The following IDH1 variants were observed in gnomAD, a reference collection of about 807,000 sequenced individuals.
The protein encoded by IDH1 is isocitrate dehydrogenase (NADP(+)) 1.
A neutral mutation model predicts 46.1 loss-of-function variants in IDH1; 33 were observed. The observed-to-expected ratio is 0.72, with a 90% CI of 0.54 to 0.96. The LOEUF (loss-of-function observed/expected upper bound fraction) is 0.96, where lower values mean the gene tolerates loss of function less well. IDH1 is among the 40% of genes least tolerant of loss of function. The pLI, the probability that IDH1 is intolerant of heterozygous loss-of-function variation, is 0.00. For missense variants in IDH1, 421 were observed against 515.7 expected, an observed-to-expected ratio of 0.82 and a Z score of 1.78; for synonymous variants, 144 against 172.8, an observed-to-expected ratio of 0.83 and a Z score of 1.31.
intron 9 of IDH1, among the ~76,000 whole-genome samples, chr2:208,237,944 A>T (rs1317584951): frequency 6.6e-6 from 1 of 152,020 alleles, no homozygotes; most frequent in Non-Finnish European, 1.5e-5. Flanking sequence ...AAAAAAAGAA[A>T]AACAAAAGAC....
chr2:208,239,248 A>T lies in IDH1; in HGVS notation c.992-15T>A. On this transcript the variant is annotated splice_polypyrimidine_tract_variant and intron_variant, in intron 8 of 9. Coordinates refer to ENST00000345146, the MANE Select transcript of IDH1 (RefSeq NM_005896.4). The stretch of plus-strand genomic sequence containing the variant: ...AAAAATGGAAGCTAAAAGAGGGGAA[A>T]AAAAACACAACACTCCAATCATCCT... The T allele has an allele frequency of 6.2e-7, 1 of 1,613,652 alleles. No homozygotes were observed. Among genetic ancestry groups the T allele is most frequent in the Non-Finnish European group, 8.5e-7 (1 of 1,179,644 alleles).
intron 3 of IDH1, among the ~76,000 whole-genome samples, chr2:208,249,062 G>T (rs1033129237): frequency 4.6e-5 from 7 of 152,172 alleles, no homozygotes; most frequent in Non-Finnish European, 1.0e-4. Flanking sequence ...AAAATAAAAG[G>T]GGGTGGGAGG....
rs1444073727 is a variant in IDH1 at position 208,254,980 on chromosome 2, C to CG, written c.-133_-132insC. The CG allele has an allele frequency of 6.6e-6, 1 of 152,458 alleles. No individual in the cohort carries two copies. The highest frequency in any genetic ancestry group is 1.5e-5 in the Non-Finnish European group (1 of 68,220). The allele number at this position is 152,458 out of a possible 1,614,324, so 9.4% of individuals were successfully genotyped here. On this transcript the variant is annotated 5_prime_UTR_variant, in exon 1 of 10. Coordinates refer to ENST00000345146, the MANE Select transcript of IDH1 (RefSeq NM_005896.4). ...CTGGCGAAGAGTTGGGGCGCCACAGCCGCTCACAAGCTCAGACTCACAACC... is the reference window on the plus strand; with the variant it reads ...CTGGCGAAGAGTTGGGGCGCCACAGCGCGCTCACAAGCTCAGACTCACAACC...
chr2:208,245,780 C>CT (rs753170344), intron 4 of IDH1, among the ~76,000 whole-genome samples: 2 of 22,620 alleles, frequency 8.8e-5, no homozygotes, highest in Non-Finnish European at 1.2e-4. Context: ...GGGTATTAGA[C>CT]CCCCCCCCCA....
intron 2 of IDH1, among the ~76,000 whole-genome samples, chr2:208,253,389 C>A (rs1028207793): frequency 2.6e-5 from 4 of 152,162 alleles, no homozygotes; most frequent in Non-Finnish European, 4.4e-5. Context: ...TCTTCTGGAT[C>A]TGATTTCCAT....
rs201258988 is a variant in IDH1 at position 208,251,493 on chromosome 2, C to A, written c.59G>T (p.Arg20Leu). The change falls in exon 3 of 10, where the codon CGA (arginine) becomes CTA (leucine). Residue 20 changes from arginine (R) to leucine (L), a missense_variant. Coordinates refer to ENST00000345146, the MANE Select transcript of IDH1 (RefSeq NM_005896.4). ...VVEMQGDEMT[R>L]IIWELIKEKL... ...CTCTTTAATCAATTCCCAAATGATTCGTGTCATTTCATCTCCTTGCATCTC... is the reference window on the plus strand; with the variant it reads ...CTCTTTAATCAATTCCCAAATGATTAGTGTCATTTCATCTCCTTGCATCTC... 4 of 1,613,268 alleles carry A rather than the reference C, an allele frequency of 2.5e-6. No homozygotes were observed. In the East Asian group the frequency reaches 8.9e-5, roughly 36 times the overall value.
At position 208,239,076 on chromosome 2, in the gene IDH1, T is replaced by G. The variant is rs141895800; in HGVS notation, c.1149A>C (p.Leu383Phe). ...CTAGGGCATCTTATACTTACTTGGGTAAACCTTTAATGCAAGCAGCCAAGT... is the reference window on the plus strand; with the variant it reads ...CTAGGGCATCTTATACTTACTTGGGGAAACCTTTAATGCAAGCAGCCAAGT... ...TKDLAACIKG[L>F]PNVQRSDYLN... The change falls in exon 9 of 10, where the codon TTA becomes TTC. Residue 383 changes from leucine to phenylalanine, a missense_variant. Transcript: ENST00000345146. 6.8e-6 allele frequency: 11 copies of G among 1,613,728 alleles called. No homozygotes were observed. In the African/African-American group the frequency reaches 1.5e-4, roughly 22 times the overall value.
intron 7 of IDH1, chr2:208,240,242 T>C (rs1314683268): frequency 1.8e-6 from 1 of 548,098 alleles, no homozygotes. Flanking sequence ...TACCTACTCC[T>C]TGATGGAGGG....
rs575483212 is a variant in IDH1 at position 208,248,537 on chromosome 2, C to T, written c.246G>A (p.Arg82=). 1 of 1,614,118 alleles carries T rather than the reference C, an allele frequency of 6.2e-7. No homozygotes were observed. The highest frequency in any genetic ancestry group is 1.3e-5 in the African/African-American group (1 of 75,036). The change falls in exon 4 of 10, where the codon AGG becomes AGA. Residue 82 remains arginine, a synonymous_variant. Transcript: ENST00000345146. ...KCATITPDEK[R]VEEFKLKQMW... The stretch of plus-strand genomic sequence containing the variant: ...TTTGTTTCAACTTGAACTCCTCAAC[C>T]CTCTTCTCATCAGGAGTGATAGTGG...
At chr2:208,242,320 C>T (rs1486518402) in intron 6 of IDH1, among the ~76,000 whole-genome samples, 175 bp from the exon 7 acceptor site, 1 of 152,190 alleles carries the variant, frequency 6.6e-6, no homozygotes, top group Non-Finnish European at 1.5e-5. Context: ...CAATCATTTT[C>T]TAACTGTAAA....
At chr2:208,242,262 A>C in intron 6 of IDH1, 117 bp from the exon 7 acceptor site, 2 of 959,480 alleles carry the variant, frequency 2.1e-6, no homozygotes. Context: ...TTTTAGTAGA[A>C]GTAGCAGAAA....
chr2:208,248,798 C>G (rs981469832), intron 3 of IDH1, 138 bp from the exon 4 acceptor site: 1 of 735,476 alleles, frequency 1.4e-6, no homozygotes, highest in South Asian at 1.6e-5. Flanking sequence ...AGTTTTAGCA[C>G]TGGCACACCC....
rs763562621 is a variant in IDH1 at position 208,248,465 on chromosome 2, C to T, written c.318G>A (p.Thr106=). The T allele has an allele frequency of 1.1e-5, 18 of 1,613,924 alleles. No homozygotes were observed. The highest frequency in any genetic ancestry group is 6.7e-5 in the Admixed American group (4 of 59,988). ...NGTIRNILGG[T]VFREAIICKN... ...TGCAGATAATGGCTTCTCTGAAGAC[C>T]GTGCCACCCAGAATATTTCGTATGG... The change falls in exon 4 of 10, where the codon ACG becomes ACA. Residue 106 remains threonine (T), a synonymous_variant. Transcript: ENST00000345146.
chr2:208,251,114 T>C (rs757582107), intron 3 of IDH1: 6 of 191,136 alleles, frequency 3.1e-5, no homozygotes, highest in Non-Finnish European at 6.5e-5. Flanking sequence ...AATTAGAAGA[T>C]TCATCTGAAT....
In IDH1 at chr2:208,243,588, G is replaced by A. The variant is rs748821411; in HGVS notation, c.537C>T (p.Ala179=). The A allele has an allele frequency of 6.2e-7, 1 of 1,613,550 alleles. No individual in the cohort carries two copies. Among genetic ancestry groups the A allele is most frequent in the Non-Finnish European group, 8.5e-7 (1 of 1,179,584 alleles). ...ACTTATCTTGATTATACATCCCCAT[G>A]GCAACACCACCACCTTCTGTAGAGG... The part of the protein sequence containing the change: ...VHNFEEGGGV[A]MGMYNQDKSI... Residue 179 remains alanine, a synonymous_variant, in exon 6 of 10, where the codon GCC becomes GCT. Coordinates refer to ENST00000345146, the MANE Select transcript of IDH1 (RefSeq NM_005896.4).
chr2:208,245,428 T>C lies in IDH1; in HGVS notation c.415-4A>G, dbSNP rs112028914. 2,570 of 1,544,246 alleles carry C rather than the reference T, an allele frequency of 1.7e-3. 42 individuals carry two copies. The African/African-American group carries it at 0.031, about 18-fold the overall frequency. Reference sequence around the variant, plus strand: ...CAACAAAATCAGTTGCTCTGTACTGTGTAGAGGGGAAAAAGGTATAAAGAA... The same window carrying C: ...CAACAAAATCAGTTGCTCTGTACTGCGTAGAGGGGAAAAAGGTATAAAGAA... On this transcript the variant is annotated splice_polypyrimidine_tract_variant and splice_region_variant and intron_variant, in intron 4 of 9. Coordinates refer to ENST00000345146, the MANE Select transcript of IDH1 (RefSeq NM_005896.4).
Position 208,251,484 on chromosome 2 carries a change from C to T in IDH1, c.68G>A (p.Trp23Ter). The T allele has an allele frequency of 6.2e-7, 1 of 1,612,920 alleles. No homozygotes were observed. The change falls in exon 3 of 10, where the codon TGG becomes TAG. Residue 23 changes from tryptophan to a stop codon, truncating the protein, a stop_gained. Transcript: ENST00000345146. LOFTEE classifies it high-confidence loss of function. ...MQGDEMTRII[W>*]ELIKEKLIFP... ...AATGAGTTTCTCTTTAATCAATTCCCAAATGATTCGTGTCATTTCATCTCC... is the reference window on the plus strand; with the variant it reads ...AATGAGTTTCTCTTTAATCAATTCCTAAATGATTCGTGTCATTTCATCTCC...
chr2:208,238,429 G>A (rs146540315), intron 9 of IDH1, among the ~76,000 whole-genome samples: 1 of 152,308 alleles, frequency 6.6e-6, no homozygotes, highest in African/African-American at 2.4e-5. Flanking sequence ...TGGGACCTCT[G>A]CAGATGCACT....
At chr2:208,246,795 T>C (rs542829254) in intron 4 of IDH1, among the ~76,000 whole-genome samples, 1 of 150,598 alleles carries the variant, frequency 6.6e-6, no homozygotes, top group African/African-American at 2.4e-5. Flanking sequence ...ACACAAAAAT[T>C]AGCCGGGCAT....
Sources: allele counts gnomAD v4.1 joint callset (sites outside exome capture counted in the v4.1 genomes callset), GRCh38; gene constraint gnomAD v4.1.1; transcripts MANE v1.5; gene names NCBI Gene and HGNC (gene_info 2026-07-23, HGNC 2026-07-21).